IGF1R: variants seen among roughly 807,000 people sequenced by gnomAD.
IGF1R encodes the protein insulin-like growth factor 1 receptor.
A neutral mutation model predicts 144.6 loss-of-function variants in IGF1R; 44 were observed. That is an observed-to-expected ratio of 0.30 (90% CI 0.24 to 0.39). The LOEUF is 0.39. Ranked by LOEUF, IGF1R falls within the 10% of genes least tolerant of loss-of-function variation. The probability of loss-of-function intolerance (pLI) is 1.00; values close to 1 mark genes in which losing one functional copy is unlikely to be tolerated. For missense variants in IGF1R, 1,355 were observed against 1,833.7 expected (o/e 0.74, Z 4.77); for synonymous variants, 795 against 722.8 (o/e 1.10, Z -1.60).
At chr15:98,936,549 A>C (rs1244314098) in intron 17 of IGF1R, among the ~76,000 whole-genome samples, 5 of 151,636 alleles carry the variant, frequency 3.3e-5, no homozygotes, top group Non-Finnish European at 7.4e-5. Flanking sequence ...TTTATTCCTT[A>C]GAAGCAGTGA....
At chr15:98,900,398 C>T (rs1312934448) in intron 5 of IGF1R, among the ~76,000 whole-genome samples, 1 of 152,268 alleles carries the variant, frequency 6.6e-6, no homozygotes, top group East Asian at 1.9e-4. Context: ...GAATTCCTTC[C>T]AAAGAGAATT....
Position 98,704,358 on chromosome 15 carries a change from A to G in IGF1R, c.95-3204A>G, listed in dbSNP as rs1342952597. Among the ~76,000 whole-genome samples the G allele has an allele frequency of 6.6e-6, 1 of 151,960 alleles. No homozygotes were observed. Among genetic ancestry groups the G allele is most frequent in the African/African-American group, 2.4e-5 (1 of 41,368 alleles). On this transcript the variant is annotated intron_variant, in intron 1 of 20. Coordinates refer to ENST00000650285, the MANE Select transcript of IGF1R (RefSeq NM_000875.5). This position sits in a 1 kb window ranked among gnomAD's most constrained non-coding sequence, Gnocchi z 4.9. Reference sequence around the variant, plus strand: ...TGAGTGGAGACCCAGATGGCTAGAGAATGGGGCAGCCTCCTGAAGGAGCAG... The same window carrying G: ...TGAGTGGAGACCCAGATGGCTAGAGGATGGGGCAGCCTCCTGAAGGAGCAG...
At chr15:98,787,775 CAGAA>C in intron 2 of IGF1R, among the ~76,000 whole-genome samples, 1 of 152,290 alleles carries the variant, frequency 6.6e-6, no homozygotes, top group African/African-American at 2.4e-5. Flanking sequence ...ATCCTCAACT[CAGAA>C]GGAAAGAATT....
intron 8 of IGF1R, among the ~76,000 whole-genome samples, chr15:98,914,890 C>T (rs1053841660): frequency 1.3e-5 from 2 of 152,026 alleles, no homozygotes; most frequent in Non-Finnish European, 2.9e-5. Flanking sequence ...TTTTGGAAAC[C>T]CTAAAGTGGC....
chr15:98,665,101 G>A (rs934561825), intron 1 of IGF1R, among the ~76,000 whole-genome samples: 2 of 152,116 alleles, frequency 1.3e-5, no homozygotes, highest in Non-Finnish European at 2.9e-5. Context: ...GGGACTACAG[G>A]CGTCCGCTGC....
chr15:98,696,214 A>G (rs1301842502), intron 1 of IGF1R, among the ~76,000 whole-genome samples: 1 of 151,506 alleles, frequency 6.6e-6, no homozygotes, highest in African/African-American at 2.4e-5. Context: ...TTAGCTCTTG[A>G]CTCTGTCATC....
rs1270913570 is a variant in IGF1R at position 98,891,685 on chromosome 15, C to A, written c.953+48C>A. 1.9e-6 allele frequency: 3 copies of A among 1,558,262 alleles called. No individual in the cohort carries two copies. In the African/African-American group the frequency reaches 4.0e-5, roughly 21 times the overall value. On this transcript the variant is annotated intron_variant, in intron 3 of 20. Coordinates refer to ENST00000650285, the MANE Select transcript of IGF1R (RefSeq NM_000875.5). This position sits in a 1 kb window ranked among gnomAD's most constrained non-coding sequence, Gnocchi z 4.7. ...GTCACTACCCGCCCCACCTCACCCG[C>A]CACCCTAGCACACAAAGGTAGACTC...
At chr15:98,690,731 T>C (rs2053456727) in intron 1 of IGF1R, among the ~76,000 whole-genome samples, 2 of 152,216 alleles carry the variant, frequency 1.3e-5, no homozygotes, top group African/African-American at 4.8e-5. Context: ...CCCAGTCTGC[T>C]TCACTCCCCG....
rs1567229597 is a variant in IGF1R at position 98,962,904 on chromosome 15, C to T, written c.*5462C>T. ...GTCAGTTGTCAGTTCTGGGGCATGA[C>T]TTTAGCGTTTTGTTTCTGCGAGAAC... On this transcript the variant is annotated 3_prime_UTR_variant, in exon 21 of 21. Coordinates refer to ENST00000650285, the MANE Select transcript of IGF1R (RefSeq NM_000875.5). 2 of 233,582 alleles carry T rather than the reference C, an allele frequency of 8.6e-6. No individual in the cohort carries two copies. Among genetic ancestry groups the T allele is most frequent in the African/African-American group, 4.4e-5 (2 of 45,326 alleles). The allele number at this position is 233,582 out of a possible 1,614,324, so 14.5% of individuals were successfully genotyped here.
At chr15:98,887,458 T>C (rs1393377228) in intron 2 of IGF1R, among the ~76,000 whole-genome samples, 2 of 152,244 alleles carry the variant, frequency 1.3e-5, no homozygotes, top group African/African-American at 4.8e-5. Context: ...AGCTACTTGA[T>C]CTTAATGTCT....
chr15:98,782,414 G>A (rs141791963), intron 2 of IGF1R, among the ~76,000 whole-genome samples: 1,692 of 152,022 alleles, frequency 0.011, 22 homozygotes, highest in Middle Eastern at 0.048. Flanking sequence ...TCCCCATGAA[G>A]TCTTCATTAC....
Position 98,899,559 on chromosome 15 carries a change from C to G in IGF1R, c.1185C>G (p.Ala395=). 6.2e-7 allele frequency: 1 copy of G among 1,614,192 alleles called. No homozygotes were observed. Among genetic ancestry groups the G allele is most frequent in the Non-Finnish European group, 8.5e-7 (1 of 1,180,020 alleles). Residue 395 remains alanine (A), a synonymous_variant, in exon 5 of 21, where the codon GCC becomes GCG. Transcript: ENST00000650285. ...TGYVKIRHSH[A]LVSLSFLKNL... is the part of the protein sequence containing the mutation. ...ACGTGAAGATCCGCCATTCTCATGC[C>G]TTGGTCTCCTTGTCCTTCCTAAAAA...
intron 2 of IGF1R, among the ~76,000 whole-genome samples, chr15:98,837,983 GC>G (rs2011117080): frequency 6.6e-6 from 1 of 152,318 alleles, no homozygotes; most frequent in East Asian, 1.9e-4. Context: ...CTGTTGGCTT[GC>G]AAAGCCCATT....
rs74777877 is a variant in IGF1R at position 98,940,812 on chromosome 15, G to A, written c.3457+1452G>A. ...GAGCCCACATCCCTCCGTCATCAGAGTTCCTCATTCAGGATCCACCAGTGT... is the reference window on the plus strand; with the variant it reads ...GAGCCCACATCCCTCCGTCATCAGAATTCCTCATTCAGGATCCACCAGTGT... On this transcript the variant is annotated intron_variant, in intron 18 of 20. Transcript: ENST00000650285. Among the ~76,000 whole-genome samples the A allele has an allele frequency of 7.5e-3, 1,140 of 152,330 alleles. 12 individuals are homozygous for A. Among genetic ancestry groups the A allele is most frequent in the African/African-American group, 0.026 (1,061 of 41,568 alleles).
At chr15:98,678,686 T>C (rs1393667585) in intron 1 of IGF1R, among the ~76,000 whole-genome samples, 2 of 151,146 alleles carry the variant, frequency 1.3e-5, no homozygotes, top group Non-Finnish European at 2.9e-5. Context: ...GCTAATTTTT[T>C]ATTTTTTTTG....
intron 2 of IGF1R, among the ~76,000 whole-genome samples, chr15:98,776,563 A>G: frequency 6.6e-6 from 1 of 152,116 alleles, no homozygotes; most frequent in Non-Finnish European, 1.5e-5. Context: ...TGTCAGCATT[A>G]TTTTTAAGAG....
chr15:98,734,946 C>T lies in IGF1R; in HGVS notation c.640+26839C>T, dbSNP rs1433867668. ...GGCCCTAAAGAAGGACTCTATCACT[C>T]TACTTTCAGTTTCTTGCATTAAAAC... On this transcript the variant is annotated intron_variant, in intron 2 of 20. Transcript: ENST00000650285. 2.0e-5 allele frequency among the ~76,000 whole-genome samples: 3 copies of T among 152,290 alleles called. No homozygotes were observed. In the East Asian group the frequency reaches 5.8e-4, roughly 29 times the overall value.
At chr15:98,715,911 T>A (rs1329185349) in intron 2 of IGF1R, among the ~76,000 whole-genome samples, 5 of 152,188 alleles carry the variant, frequency 3.3e-5, no homozygotes, top group African/African-American at 1.2e-4. Context: ...TAGAGCAGGC[T>A]GTTTAAATCA....
intron 5 of IGF1R, among the ~76,000 whole-genome samples, chr15:98,904,477 A>T (rs1318960016): frequency 2.0e-5 from 3 of 152,236 alleles, no homozygotes; most frequent in Non-Finnish European, 4.4e-5. Flanking sequence ...AGATAGACAT[A>T]TCCACCCTTG....
Sources: gnomAD v4.1 joint callset for allele counts (sites outside exome capture counted in the v4.1 genomes callset) on GRCh38, gnomAD v4.1.1 for gene constraint, Gnocchi (gnomAD v3.1) non-coding constraint, MANE v1.5 for transcripts, NCBI Gene and HGNC (gene_info 2026-07-23, HGNC 2026-07-21) for gene names.